The following PPP6R3 variants were observed in gnomAD, a reference collection of about 807,000 sequenced individuals.
The protein encoded by PPP6R3 is serine/threonine-protein phosphatase 6 regulatory subunit 3.
In PPP6R3, 38 loss-of-function variants were observed where a neutral mutation model predicts 110.7. That is an observed-to-expected ratio of 0.34 (90% CI 0.26 to 0.45). The LOEUF (loss-of-function observed/expected upper bound fraction) is 0.45. PPP6R3 is among the 20% of genes least tolerant of loss of function. The probability of loss-of-function intolerance (pLI) is 1.00; values close to 1 mark genes in which losing one functional copy is unlikely to be tolerated. For missense variants in PPP6R3, 870 were observed against 1,062.4 expected, an observed-to-expected ratio of 0.82 and a Z score of 2.52; for synonymous variants, 369 against 373.5, an observed-to-expected ratio of 0.99 and a Z score of 0.14.
chr11:68,599,083 C>G (rs1386855316), intron 19 of PPP6R3, among the ~76,000 whole-genome samples: 1 of 152,216 alleles, frequency 6.6e-6, no homozygotes, highest in Non-Finnish European at 1.5e-5. Flanking sequence ...CAGAACATTT[C>G]TATTCTACAC....
chr11:68,524,503 C>G (rs895106849), intron 2 of PPP6R3, among the ~76,000 whole-genome samples: 3 of 152,106 alleles, frequency 2.0e-5, no homozygotes, highest in Non-Finnish European at 4.4e-5. Context: ...TTATCTGTTA[C>G]TATATTCTGG....
At chr11:68,496,688 G>T (rs2099018162) in intron 1 of PPP6R3, among the ~76,000 whole-genome samples, 1 of 152,006 alleles carries the variant, frequency 6.6e-6, no homozygotes. Context: ...GGCCAGGCTG[G>T]TCTCAAACTC....
At chr11:68,475,777 C>G (rs1263800668) in intron 1 of PPP6R3, among the ~76,000 whole-genome samples, 7 of 151,982 alleles carry the variant, frequency 4.6e-5, no homozygotes, top group African/African-American at 1.7e-4. Context: ...CTCCTCACTT[C>G]TCAGACGGGG....
intron 8 of PPP6R3, among the ~76,000 whole-genome samples, chr11:68,559,335 G>C (rs2153725923): frequency 6.6e-6 from 1 of 152,372 alleles, no homozygotes; most frequent in Non-Finnish European, 1.5e-5. Flanking sequence ...GTCCAGTGCA[G>C]ATTTACTCAT....
At chr11:68,562,684 G>A (rs1253051131) in intron 8 of PPP6R3, among the ~76,000 whole-genome samples, 7 of 152,174 alleles carry the variant, frequency 4.6e-5, no homozygotes, top group East Asian at 1.9e-4. Context: ...TCAGTAAATC[G>A]TCCTGAATGG....
At chr11:68,531,307 TTTTA>T (rs67798708) in intron 2 of PPP6R3, among the ~76,000 whole-genome samples, 3,659 of 136,970 alleles carry the variant, frequency 0.027, 80 homozygotes, top group African/African-American at 0.052. Flanking sequence ...TGAGACTGTG[TTTTA>T]TTTATTTATT....
chr11:68,568,208 C>CAT (rs1653878131), intron 10 of PPP6R3, among the ~76,000 whole-genome samples: 1 of 152,202 alleles, frequency 6.6e-6, no homozygotes, highest in African/African-American at 2.4e-5. Context: ...TGATAGCTAG[C>CAT]ATGGTCATTG....
At chr11:68,569,518 T>G (rs2099494160) in intron 10 of PPP6R3, among the ~76,000 whole-genome samples, 2 of 152,234 alleles carry the variant, frequency 1.3e-5, no homozygotes, top group South Asian at 4.1e-4. Context: ...TGTCTTACTG[T>G]ATTATACTCA....
Position 68,496,928 on chromosome 11 carries a change from C to T in PPP6R3, c.-157-22573C>T, listed in dbSNP as rs186196854. Among the ~76,000 whole-genome samples, 591 of 127,264 alleles carry T rather than the reference C, an allele frequency of 4.6e-3. 2 individuals carry two copies. Among genetic ancestry groups the T allele is most frequent in the African/African-American group, 0.016 (566 of 34,906 alleles). The allele number at this position is 127,264 out of a possible 152,430, so 83.5% of individuals were successfully genotyped here. The stretch of plus-strand genomic sequence containing the variant: ...CCAGGCTGGAGTGCAGTGGTGCAAT[C>T]TCGGCTCACTGCAAACTCCGCCTCC... On this transcript the variant is annotated intron_variant, in intron 1 of 23. Transcript: ENST00000393800.
At chr11:68,574,305 A>G in intron 13 of PPP6R3, 81 bp downstream of exon 13, 1 of 1,066,884 alleles carries the variant, frequency 9.4e-7, no homozygotes, top group Non-Finnish European at 1.4e-6. Flanking sequence ...TGCATGTAGC[A>G]TTTTTAATAG....
chr11:68,573,285 G>A (rs1170086993), intron 12 of PPP6R3, among the ~76,000 whole-genome samples: 1 of 150,942 alleles, frequency 6.6e-6, no homozygotes, highest in Admixed American at 6.6e-5. Context: ...TGAGTAGCTA[G>A]GATTTCAAGT....
At chr11:68,602,719 A>G (rs565327991) in intron 21 of PPP6R3, among the ~76,000 whole-genome samples, 2 of 152,292 alleles carry the variant, frequency 1.3e-5, no homozygotes, top group Admixed American at 6.5e-5. Flanking sequence ...AGATTCCCGC[A>G]TTTGACTCCT....
chr11:68,468,452 C>T (rs1204348187), intron 1 of PPP6R3, among the ~76,000 whole-genome samples: 1 of 152,222 alleles, frequency 6.6e-6, no homozygotes, highest in Non-Finnish European at 1.5e-5. Flanking sequence ...ATGACTGTCC[C>T]TTTTCACTGT....
At chr11:68,482,992 C>G (rs1225223629) in intron 1 of PPP6R3, among the ~76,000 whole-genome samples, 1 of 152,088 alleles carries the variant, frequency 6.6e-6, no homozygotes, top group South Asian at 2.1e-4. Flanking sequence ...TTTCCCATAT[C>G]AAGGGTCTTT....
intron 1 of PPP6R3, chr11:68,488,638 G>A (rs1237362352): frequency 1.3e-5 from 2 of 152,716 alleles, no homozygotes; most frequent in African/African-American, 4.8e-5. Flanking sequence ...AGAGCACCTG[G>A]GGGGTCCTGA....
At chr11:68,531,590 C>T (rs2099241010) in intron 2 of PPP6R3, among the ~76,000 whole-genome samples, 1 of 152,092 alleles carries the variant, frequency 6.6e-6, no homozygotes, top group Non-Finnish European at 1.5e-5. Flanking sequence ...CCATGCCCAG[C>T]CAAGACTGCA....
chr11:68,584,755 G>GCCAAAA (rs2099572965), intron 15 of PPP6R3, among the ~76,000 whole-genome samples: 1 of 152,150 alleles, frequency 6.6e-6, no homozygotes, highest in South Asian at 2.1e-4. Flanking sequence ...AACAGCCCTT[G>GCCAAAA]CCAAGCTCTT....
rs67739319 is a variant in PPP6R3, at chr11:68,506,414, C to CAAAAAAAAAAAAAAAAAAAA, written c.-157-13072_-157-13053dup. 3.5e-4 allele frequency among the ~76,000 whole-genome samples: 16 copies of CAAAAAAAAAAAAAAAAAAAA among 46,072 alleles called. 3 individuals carry two copies. The highest frequency in any genetic ancestry group is 6.6e-4 in the East Asian group (1 of 1,522). The allele number at this position is 46,072 out of a possible 152,430, so 30.2% of individuals were successfully genotyped here. The stretch of plus-strand genomic sequence containing the variant: ...ACTGCTGCACCCAGCCCTTTATACT[C>CAAAAAAAAAAAAAAAAAAAA]AAAAAAAAAAAAAAAAAAAAAAAAA... On this transcript the variant is annotated intron_variant, in intron 1 of 23. Transcript: ENST00000393800.
chr11:68,473,599 G>A (rs529632216), intron 1 of PPP6R3, among the ~76,000 whole-genome samples: 23 of 152,318 alleles, frequency 1.5e-4, no homozygotes, highest in African/African-American at 5.5e-4. Context: ...TGTGATTGGC[G>A]TCAGAAGTCG....
Sources: gnomAD v4.1 joint callset for allele counts (sites outside exome capture counted in the v4.1 genomes callset) on GRCh38, gnomAD v4.1.1 for gene constraint, MANE v1.5 for transcripts, NCBI Gene and HGNC (gene_info 2026-07-23, HGNC 2026-07-21) for gene names.